The following KRTAP13-1 variants were observed in gnomAD, a reference collection of about 807,000 sequenced individuals.
The protein encoded by KRTAP13-1 is keratin-associated protein 13-1.
For synonymous variants in KRTAP13-1, 104 were observed against 85.3 expected, an observed-to-expected ratio of 1.22 and a Z score of -1.21; for missense variants, 200 against 204.8, an observed-to-expected ratio of 0.98 and a Z score of 0.14.
In KRTAP13-1 at chr21:30,396,348, C is replaced by G. The variant is rs949170418; in HGVS notation, c.262C>G (p.Leu88Val). ...TSCYRPRTSL[L>V]CSPCQTTYSG... The stretch of plus-strand genomic sequence containing the variant: ...CTGCTACCGTCCCAGAACCTCCTTG[C>G]TCTGCAGTCCCTGCCAGACAACTTA... The change falls in exon 1 of 1, where the codon CTC becomes GTC. Residue 88 changes from leucine to valine, a missense_variant. Leu to Val is a conservative substitution (Grantham distance 32). Transcript: ENST00000355459. 4 of 1,614,088 alleles carry G rather than the reference C, an allele frequency of 2.5e-6. No homozygotes were observed. Among genetic ancestry groups the G allele is most frequent in the Non-Finnish European group, 3.4e-6 (4 of 1,180,042 alleles).
rs1377207680 is a variant in KRTAP13-1 at position 30,396,457 on chromosome 21, C to T, written c.371C>T (p.Ser124Phe). 1 of 1,614,198 alleles carries T rather than the reference C, an allele frequency of 6.2e-7. No individual in the cohort carries two copies. Among genetic ancestry groups the T allele is most frequent in the Non-Finnish European group, 8.5e-7 (1 of 1,180,040 alleles). The change falls in exon 1 of 1, where the codon TCC becomes TTC. Residue 124 changes from serine to phenylalanine, a missense_variant. Transcript: ENST00000355459. ...SRSCYSVGCGSSGFRSLGYGG... is the reference protein window; with the variant it reads ...SRSCYSVGCGFSGFRSLGYGG... Reference sequence around the variant, plus strand: ...AGCTGCTACTCAGTGGGCTGTGGGTCCAGTGGCTTCAGATCCCTGGGTTAT... The same window carrying T: ...AGCTGCTACTCAGTGGGCTGTGGGTTCAGTGGCTTCAGATCCCTGGGTTAT...
Position 30,396,153 on chromosome 21 carries a change from GCCT to G in KRTAP13-1, c.74_76del (p.Ser25del), listed in dbSNP as rs751798735. The G allele has an allele frequency of 2.2e-4, 362 of 1,613,544 alleles. 5 individuals are homozygous for G. In the East Asian group the frequency reaches 6.7e-3, roughly 30 times the overall value. ...CTGTGGTGGCTACCTGCACTACCCAGCCTCCTCCTGTGGCTTTTCCTACCCCAG... is the reference window on the plus strand; with the variant it reads ...CTGTGGTGGCTACCTGCACTACCCAGCCTCCTGTGGCTTTTCCTACCCCAG... On this transcript the variant is annotated inframe_deletion, in exon 1 of 1. Transcript: ENST00000355459.
At position 30,396,512 on chromosome 21, in the gene KRTAP13-1, T is replaced by C; in HGVS notation, c.426T>C (p.Tyr142=). ...GCTGTGGCTTCCCTTCCCTGGGCTA[T>C]GGCGTTGGATTCTGCCGCCCAACCT... ...YGGCGFPSLG[Y]GVGFCRPTYL... is the part of the protein sequence containing the mutation. The change falls in exon 1 of 1, where the codon TAT becomes TAC. Residue 142 remains tyrosine, a synonymous_variant. Transcript: ENST00000355459. 1 of 1,614,228 alleles carries C rather than the reference T, an allele frequency of 6.2e-7. No homozygotes were observed. The highest frequency in any genetic ancestry group is 8.5e-7 in the Non-Finnish European group (1 of 1,180,030).
rs988352556 is a variant in KRTAP13-1, at chr21:30,396,208, G to A, written c.122G>A (p.Cys41Tyr). The stretch of plus-strand genomic sequence containing the variant: ...AACCAGGTCTACAGCACTGACCTCT[G>A]CTCTCCCAGCACGTGCCAGCTGGGT... ...PSNQVYSTDL[C>Y]SPSTCQLGSS... Residue 41 changes from cysteine to tyrosine, a missense_variant, in exon 1 of 1, where the codon TGC becomes TAC. Coordinates refer to ENST00000355459, the MANE Select transcript of KRTAP13-1 (RefSeq NM_181599.3). 1 of 1,614,172 alleles carries A rather than the reference G, an allele frequency of 6.2e-7. No individual in the cohort carries two copies. The highest frequency in any genetic ancestry group is 8.5e-7 in the Non-Finnish European group (1 of 1,180,042).
the KRTAP13-1 span, chr21:30,396,567 TG>T: frequency 3.6e-5 from 58 of 1,614,072 alleles, no homozygotes; most frequent in Non-Finnish European, 4.2e-5. Flanking sequence ...CCAGTCTTCT[TG>T]CTACAGACCA....
At chr21:30,396,295 ATG>A in the KRTAP13-1 span, 1 of 1,613,972 alleles carries the variant, frequency 6.2e-7, no homozygotes, top group Non-Finnish European at 8.5e-7. Flanking sequence ...CAGACATCCT[ATG>A]TGGAGTCCAG....
chr21:30,396,357 C>T lies in KRTAP13-1; in HGVS notation c.271C>T (p.Pro91Ser), dbSNP rs1359186304. Residue 91 changes from proline (P) to serine (S), a missense_variant, in exon 1 of 1, where the codon CCC becomes TCC. By Grantham distance (74) the Pro-to-Ser change is moderately conservative. Transcript: ENST00000355459. ...TCCCAGAACCTCCTTGCTCTGCAGT[C>T]CCTGCCAGACAACTTACTCTGGGTC... is the stretch of plus-strand genomic sequence containing the variant. The part of the protein sequence containing the change: ...YRPRTSLLCS[P>S]CQTTYSGSLG... 1 of 1,614,112 alleles carries T rather than the reference C, an allele frequency of 6.2e-7. No individual in the cohort carries two copies. Among genetic ancestry groups the T allele is most frequent in the Non-Finnish European group, 8.5e-7 (1 of 1,180,052 alleles).
Position 30,396,355 on chromosome 21 carries a change from G to A in KRTAP13-1, c.269G>A (p.Ser90Asn). ...CYRPRTSLLCSPCQTTYSGSL... is the reference protein window; with the variant it reads ...CYRPRTSLLCNPCQTTYSGSL... ...CGTCCCAGAACCTCCTTGCTCTGCAGTCCCTGCCAGACAACTTACTCTGGG... is the reference window on the plus strand; with the variant it reads ...CGTCCCAGAACCTCCTTGCTCTGCAATCCCTGCCAGACAACTTACTCTGGG... The change falls in exon 1 of 1, where the codon AGT (serine) becomes AAT (asparagine). Residue 90 changes from serine to asparagine, a missense_variant. Physicochemically the swap from Ser to Asn is conservative, Grantham distance 46. Transcript: ENST00000355459. 1 of 1,614,216 alleles carries A rather than the reference G, an allele frequency of 6.2e-7. No homozygotes were observed. The highest frequency in any genetic ancestry group is 8.5e-7 in the Non-Finnish European group (1 of 1,180,042).
rs1983514268 is a variant in KRTAP13-1, at chr21:30,396,297, G to C, written c.211G>C (p.Val71Leu). The change falls in exon 1 of 1, where the codon GTG becomes CTG. Residue 71 changes from valine to leucine, a missense_variant. Physicochemically the swap from Val to Leu is conservative, Grantham distance 32. Transcript: ENST00000355459. ...WEPTSCQTSY[V>L]ESSPCQTSCY... Reference sequence around the variant, plus strand: ...GCCCACCAGCTGCCAGACATCCTATGTGGAGTCCAGCCCCTGCCAGACCTC... The same window carrying C: ...GCCCACCAGCTGCCAGACATCCTATCTGGAGTCCAGCCCCTGCCAGACCTC... 6.2e-7 allele frequency: 1 copy of C among 1,614,210 alleles called. No individual in the cohort carries two copies. The highest frequency in any genetic ancestry group is 1.7e-5 in the Admixed American group (1 of 60,026).
In KRTAP13-1 at chr21:30,396,636, T is replaced by C. The variant is rs1009935123; in HGVS notation, c.*31T>C. 6.2e-7 allele frequency: 1 copy of C among 1,600,868 alleles called. No individual in the cohort carries two copies. The highest frequency in any genetic ancestry group is 1.3e-5 in the African/African-American group (1 of 74,622). Reference sequence around the variant, plus strand: ...TTGTTAAATTGCTGATTTTGTTGGCTAATGCCTTCAATGCCTCTACTCATA... The same window carrying C: ...TTGTTAAATTGCTGATTTTGTTGGCCAATGCCTTCAATGCCTCTACTCATA... On this transcript the variant is annotated 3_prime_UTR_variant, in exon 1 of 1. Transcript: ENST00000355459.
rs997987968 is a variant in KRTAP13-1 at position 30,396,715 on chromosome 21, A to T, written c.*110A>T. On this transcript the variant is annotated 3_prime_UTR_variant, in exon 1 of 1. Coordinates refer to ENST00000355459, the MANE Select transcript of KRTAP13-1 (RefSeq NM_181599.3). ...AGAATTAGCCTCTTATTCTATAATT[A>T]TCAAGTTCTCAGTTTGTCTTTGTCC... 35 of 1,092,618 alleles carry T rather than the reference A, an allele frequency of 3.2e-5. No individual in the cohort carries two copies. Among genetic ancestry groups the T allele is most frequent in the South Asian group, 2.8e-4 (16 of 57,690 alleles). The allele number at this position is 1,092,618 out of a possible 1,614,324, so 67.7% of individuals were successfully genotyped here.
In KRTAP13-1 at chr21:30,396,437, C is replaced by T. The variant is rs1218362163; in HGVS notation, c.351C>T (p.Cys117=). The T allele has an allele frequency of 6.2e-7, 1 of 1,614,068 alleles. No homozygotes were observed. Among genetic ancestry groups the T allele is most frequent in the African/African-American group, 1.3e-5 (1 of 74,926 alleles). The change falls in exon 1 of 1, where the codon TGC becomes TGT. Residue 117 remains cysteine, a synonymous_variant. Transcript: ENST00000355459. ...CCCTGGGCTATGGATCGAGGAGCTG[C>T]TACTCAGTGGGCTGTGGGTCCAGTG... ...CRSLGYGSRS[C]YSVGCGSSGF...
Position 30,396,167 on chromosome 21 carries a change from C to G in KRTAP13-1, c.81C>G (p.Gly27=). 1 of 1,614,200 alleles carries G rather than the reference C, an allele frequency of 6.2e-7. No homozygotes were observed. Among genetic ancestry groups the G allele is most frequent in the Middle Eastern group, 1.6e-4 (1 of 6,062 alleles). Reference sequence around the variant, plus strand: ...TGCACTACCCAGCCTCCTCCTGTGGCTTTTCCTACCCCAGCAACCAGGTCT... The same window carrying G: ...TGCACTACCCAGCCTCCTCCTGTGGGTTTTCCTACCCCAGCAACCAGGTCT... The part of the protein sequence containing the change: ...GYLHYPASSC[G]FSYPSNQVYS... Residue 27 remains glycine (G), a synonymous_variant, in exon 1 of 1, where the codon GGC becomes GGG. Transcript: ENST00000355459.
chr21:30,396,568 G>A lies in KRTAP13-1; in HGVS notation c.482G>A (p.Cys161Tyr), dbSNP rs773448894. The part of the protein sequence containing the change: ...YLASRSCQSS[C>Y]YRPTCGSGFY... ...GCTTCTAGGAGCTGCCAGTCTTCTT[G>A]CTACAGACCAACTTGTGGATCAGGC... The change falls in exon 1 of 1, where the codon TGC becomes TAC. Residue 161 changes from cysteine (C) to tyrosine (Y), a missense_variant. Physicochemically the swap from Cys to Tyr is radical, Grantham distance 194. Transcript: ENST00000355459. 7 of 1,613,948 alleles carry A rather than the reference G, an allele frequency of 4.3e-6. No individual in the cohort carries two copies. The highest frequency in any genetic ancestry group is 1.3e-5 in the African/African-American group (1 of 74,940).
Position 30,396,250 on chromosome 21 carries a change from G to T in KRTAP13-1, c.164G>T (p.Gly55Val). ...CAGCTGGGTTCCTCTCTCTATAGGG[G>T]CTGTCAGCAGACCTGCTGGGAGCCC... ...TCQLGSSLYRGCQQTCWEPTS... is the reference protein window; with the variant it reads ...TCQLGSSLYRVCQQTCWEPTS... The change falls in exon 1 of 1, where the codon GGC (glycine) becomes GTC (valine). Residue 55 changes from glycine to valine, a missense_variant. Physicochemically the swap from Gly to Val is moderately radical, Grantham distance 109. Transcript: ENST00000355459. The T allele has an allele frequency of 2.5e-6, 4 of 1,614,122 alleles. No individual in the cohort carries two copies. In the South Asian group the frequency reaches 4.4e-5, roughly 18 times the overall value.
Position 30,396,074 on chromosome 21 carries a change from A to G in KRTAP13-1, c.-13A>G. Reference sequence around the variant, plus strand: ...CTCAGTGTAACTCAGCTGAACTCACATCTCCCATCAACATGTCCTACAACT... The same window carrying G: ...CTCAGTGTAACTCAGCTGAACTCACGTCTCCCATCAACATGTCCTACAACT... On this transcript the variant is annotated 5_prime_UTR_variant, in exon 1 of 1. Coordinates refer to ENST00000355459, the MANE Select transcript of KRTAP13-1 (RefSeq NM_181599.3). 3 of 1,600,058 alleles carry G rather than the reference A, an allele frequency of 1.9e-6. No homozygotes were observed. The highest frequency in any genetic ancestry group is 2.6e-6 in the Non-Finnish European group (3 of 1,171,964).
In KRTAP13-1 at chr21:30,396,626, T is replaced by C. The variant is rs753198016; in HGVS notation, c.*21T>C. 6.2e-7 allele frequency: 1 copy of C among 1,609,548 alleles called. No individual in the cohort carries two copies. Among genetic ancestry groups the C allele is most frequent in the Admixed American group, 1.7e-5 (1 of 59,568 alleles). On this transcript the variant is annotated 3_prime_UTR_variant, in exon 1 of 1. Transcript: ENST00000355459. Reference sequence around the variant, plus strand: ...ATTGATCATCTTGTTAAATTGCTGATTTTGTTGGCTAATGCCTTCAATGCC... The same window carrying C: ...ATTGATCATCTTGTTAAATTGCTGACTTTGTTGGCTAATGCCTTCAATGCC...
At position 30,396,156 on chromosome 21, in the gene KRTAP13-1, T is replaced by A; in HGVS notation, c.70T>A (p.Ser24Thr). The A allele has an allele frequency of 6.2e-7, 1 of 1,613,414 alleles. No individual in the cohort carries two copies. The highest frequency in any genetic ancestry group is 8.5e-7 in the Non-Finnish European group (1 of 1,180,012). Residue 24 changes from serine (S) to threonine (T), a missense_variant, in exon 1 of 1, where the codon TCC becomes ACC. Physicochemically the swap from Ser to Thr is moderately conservative, Grantham distance 58. Transcript: ENST00000355459. ...SCGGYLHYPA[S>T]SCGFSYPSNQ... ...TGGTGGCTACCTGCACTACCCAGCC[T>A]CCTCCTGTGGCTTTTCCTACCCCAG...
Position 30,396,174 on chromosome 21 carries a change from T to C in KRTAP13-1, c.88T>C (p.Tyr30His). Residue 30 changes from tyrosine (Y) to histidine (H), a missense_variant, in exon 1 of 1, where the codon TAC becomes CAC. Physicochemically the swap from Tyr to His is moderately conservative, Grantham distance 83. Transcript: ENST00000355459. ...HYPASSCGFS[Y>H]PSNQVYSTDL... ...CCCAGCCTCCTCCTGTGGCTTTTCC[T>C]ACCCCAGCAACCAGGTCTACAGCAC... 6.2e-7 allele frequency: 1 copy of C among 1,614,192 alleles called. No individual in the cohort carries two copies. Among genetic ancestry groups the C allele is most frequent in the Non-Finnish European group, 8.5e-7 (1 of 1,180,040 alleles).
Sources: gnomAD v4.1 joint callset for allele counts on GRCh38, gnomAD v4.1.1 for gene constraint, MANE v1.5 for transcripts, NCBI Gene and HGNC (gene_info 2026-07-23, HGNC 2026-07-21) for gene names.